Variants in RNF217 observed in about 807,000 individuals in gnomAD.
RNF217 encodes the protein E3 ubiquitin-protein ligase RNF217.
Under a neutral mutation model 57.8 loss-of-function variants are expected in RNF217, and 31 were observed. The observed-to-expected ratio is 0.54, with a 90% CI of 0.40 to 0.72. The LOEUF (loss-of-function observed/expected upper bound fraction) is 0.72. Ranked by LOEUF, RNF217 falls within the 30% of genes least tolerant of loss-of-function variation. The probability of loss-of-function intolerance (pLI) is 0.00; values close to 1 mark genes in which losing one functional copy is unlikely to be tolerated. For missense variants in RNF217, 696 were observed against 708.3 expected (o/e 0.98, Z 0.20); for synonymous variants, 313 against 294.0 (o/e 1.06, Z -0.66).
chr6:124,976,138 G>A (rs1783947689), intron 1 of RNF217, among the ~76,000 whole-genome samples: 1 of 152,000 alleles, frequency 6.6e-6, no homozygotes, highest in Non-Finnish European at 1.5e-5. Context: ...AAGTTCTCAT[G>A]GTTATTTTTG....
rs1343623119 is a variant in RNF217, at chr6:125,076,744, C to T, written c.1369C>T (p.Arg457Cys). 6.2e-7 allele frequency: 1 copy of T among 1,613,466 alleles called. No individual in the cohort carries two copies. The highest frequency in any genetic ancestry group is 8.5e-7 in the Non-Finnish European group (1 of 1,179,574). The change falls in exon 4 of 6, where the codon CGC becomes TGC. Residue 457 changes from arginine (R) to cysteine (C), a missense_variant. Transcript: ENST00000521654. ...NFCYRCGERY[R>C]QLRFFGDHTS... ...TTGTTACCGATGTGGTGAGAGATAC[C>T]GCCAGCTCCGATTTTTTGGAGACCA...
In RNF217 at chr6:124,962,723, G is replaced by T. The variant is rs1783331901; in HGVS notation, c.179G>T (p.Gly60Val). Residue 60 changes from glycine (G) to valine (V), a missense_variant, in exon 1 of 6, where the codon GGC (glycine) becomes GTC (valine). By Grantham distance (109) the Gly-to-Val change is moderately radical. Around this residue, in one of 2 missense-constraint regions of RNF217, gnomAD observed 465 missense variants for 386.8 expected, o/e 1.20. Transcript: ENST00000521654. This position sits in a 1 kb window ranked among gnomAD's most constrained non-coding sequence, Gnocchi z 4.6. ...GGCGGTGGCTGCGGAAGCGACTGGGGCTGCGCGGACACCAGCGCCCCAGAG... is the reference window on the plus strand; with the variant it reads ...GGCGGTGGCTGCGGAAGCGACTGGGTCTGCGCGGACACCAGCGCCCCAGAG... ...PSGGGCGSDW[G>V]CADTSAPEPA... is the part of the protein sequence containing the mutation. 3 of 1,543,444 alleles carry T rather than the reference G, an allele frequency of 1.9e-6. No homozygotes were observed. In the South Asian group the frequency reaches 3.5e-5, roughly 18 times the overall value.
At chr6:125,080,722 T>C (rs1037985165) in intron 4 of RNF217, among the ~76,000 whole-genome samples, 2 of 152,140 alleles carry the variant, frequency 1.3e-5, no homozygotes, top group Admixed American at 6.6e-5. Context: ...GAGTTTATCA[T>C]CACTGCTTAG....
chr6:125,073,222 A>C (rs1267873373), intron 3 of RNF217, among the ~76,000 whole-genome samples: 1 of 152,194 alleles, frequency 6.6e-6, no homozygotes, highest in Non-Finnish European at 1.5e-5. Flanking sequence ...GAAATGATTC[A>C]GAGGTCCAGT....
chr6:125,054,882 A>G (rs1787465524), intron 2 of RNF217, among the ~76,000 whole-genome samples: 1 of 152,136 alleles, frequency 6.6e-6, no homozygotes. Flanking sequence ...CCACACTTTG[A>G]GCCACAAGGA....
At chr6:124,998,731 G>A (rs1181468297) in intron 1 of RNF217, among the ~76,000 whole-genome samples, 9 of 152,172 alleles carry the variant, frequency 5.9e-5, no homozygotes, top group Non-Finnish European at 1.2e-4. Context: ...AACCTGGGAG[G>A]GGGAGGCTGC....
intron 2 of RNF217, among the ~76,000 whole-genome samples, chr6:125,055,335 T>C (rs1348831653): frequency 6.6e-6 from 1 of 152,148 alleles, no homozygotes; most frequent in Non-Finnish European, 1.5e-5. Context: ...GGATTTGCAA[T>C]AGGATCTGCA....
At chr6:125,065,195 GCAGGAGAATGGCTTGAACCCAGGAGGC>G (rs1444850286) in intron 3 of RNF217, among the ~76,000 whole-genome samples, 2 of 150,950 alleles carry the variant, frequency 1.3e-5, no homozygotes, top group Non-Finnish European at 2.9e-5. Context: ...GGAGGCTGAG[GCAGGAGAATGGCTTGAACCCAGGAGGC>G]AGAGGTTGCA....
intron 3 of RNF217, among the ~76,000 whole-genome samples, chr6:125,061,507 T>C (rs953723962): frequency 6.6e-6 from 1 of 151,800 alleles, no homozygotes; most frequent in Non-Finnish European, 1.5e-5. Context: ...GATTGGGGCA[T>C]ATTTTTATTA....
At chr6:124,999,022 T>A (rs1181055166) in intron 1 of RNF217, among the ~76,000 whole-genome samples, 1 of 152,216 alleles carries the variant, frequency 6.6e-6, no homozygotes, top group Admixed American at 6.5e-5. Context: ...TACCTTTACA[T>A]ATAGTATAGA....
rs373995376 is a variant in RNF217 at position 125,033,644 on chromosome 6, G to A, written c.883-11567G>A. On this transcript the variant is annotated intron_variant, in intron 1 of 5. Coordinates refer to ENST00000521654, the MANE Select transcript of RNF217 (RefSeq NM_001286398.3). ...AGTCTTTGCTACTGTGAATAGTGCC[G>A]CAATAAACATATGTGTGCATGTGTC... is the stretch of plus-strand genomic sequence containing the variant. Among the ~76,000 whole-genome samples the A allele has an allele frequency of 9.7e-3, 1,468 of 151,134 alleles. 16 individuals carry two copies. The highest frequency in any genetic ancestry group is 0.033 in the African/African-American group (1,366 of 40,916).
intron 1 of RNF217, among the ~76,000 whole-genome samples, chr6:125,041,149 T>G (rs1582742711): frequency 1.3e-5 from 2 of 152,240 alleles, no homozygotes; most frequent in South Asian, 4.1e-4. Flanking sequence ...TATATTGATC[T>G]GTACATATAT....
chr6:125,047,523 A>G (rs1168437424), intron 2 of RNF217, among the ~76,000 whole-genome samples: 2 of 152,086 alleles, frequency 1.3e-5, no homozygotes, highest in African/African-American at 4.8e-5. Context: ...TCCAATGTCT[A>G]TCAATTTGTT....
chr6:124,971,430 G>A lies in RNF217; in HGVS notation c.882+8004G>A, dbSNP rs559244319. The A allele has an allele frequency of 9.1e-4, 260 of 286,246 alleles. 5 individuals are homozygous for A. The highest frequency in any genetic ancestry group is 2.5e-4 in the Non-Finnish European group (36 of 143,338). 17.7% of individuals were successfully genotyped at this position (286,246 alleles called of 1,614,324 possible). ...ATTTGGCTTAGGAAAGCTATGATTT[G>A]ATTTGATTTACTGTTAAGTTTTTTT... On this transcript the variant is annotated intron_variant, in intron 1 of 5. Coordinates refer to ENST00000521654, the MANE Select transcript of RNF217 (RefSeq NM_001286398.3).
chr6:125,040,047 C>G (rs1481496941), intron 1 of RNF217, among the ~76,000 whole-genome samples: 3 of 151,890 alleles, frequency 2.0e-5, no homozygotes, highest in African/African-American at 7.3e-5. Flanking sequence ...GAAGCAAGAG[C>G]AAACAAATTC....
At chr6:125,024,639 G>C (rs1417446319) in intron 1 of RNF217, among the ~76,000 whole-genome samples, 1 of 151,030 alleles carries the variant, frequency 6.6e-6, no homozygotes, top group Non-Finnish European at 1.5e-5. Context: ...AGAATCTCTT[G>C]AGCCCGGGAG....
Position 125,091,198 on chromosome 6 carries a change from G to C in RNF217, c.*8261G>C, listed in dbSNP as rs1292710151. 1 of 152,036 alleles carries C rather than the reference G, an allele frequency of 6.6e-6. No homozygotes were observed. The highest frequency in any genetic ancestry group is 1.5e-5 in the Non-Finnish European group (1 of 67,916). The allele number at this position is 152,036 out of a possible 1,614,324, so 9.4% of individuals were successfully genotyped here. On this transcript the variant is annotated 3_prime_UTR_variant, in exon 6 of 6. Coordinates refer to ENST00000521654, the MANE Select transcript of RNF217 (RefSeq NM_001286398.3). ...CTAATTACTGAAAATAAAGGAAGAAGTTGGTGAATAAAAGCCAGGGAAACT... is the reference window on the plus strand; with the variant it reads ...CTAATTACTGAAAATAAAGGAAGAACTTGGTGAATAAAAGCCAGGGAAACT...
At chr6:125,071,365 C>T (rs555176096) in intron 3 of RNF217, among the ~76,000 whole-genome samples, 2 of 151,634 alleles carry the variant, frequency 1.3e-5, no homozygotes, top group African/African-American at 4.8e-5. Flanking sequence ...AACTGATACT[C>T]ACAGTGGACT....
At chr6:125,060,965 A>C (rs770550469) in intron 3 of RNF217, among the ~76,000 whole-genome samples, 3 of 152,174 alleles carry the variant, frequency 2.0e-5, no homozygotes, top group Non-Finnish European at 4.4e-5. Context: ...TTTTCACCTA[A>C]CATTGCAAAC....
Sources: gnomAD v4.1 joint callset for allele counts (sites outside exome capture counted in the v4.1 genomes callset) on GRCh38, gnomAD v4.1.1 for gene constraint, gnomAD v4.1.1 regional missense constraint, Gnocchi (gnomAD v3.1) non-coding constraint, MANE v1.5 for transcripts, NCBI Gene and HGNC (gene_info 2026-07-23, HGNC 2026-07-21) for gene names.